The following ZNF638 variants were observed in gnomAD, a reference collection of about 807,000 sequenced individuals.
ZNF638 encodes the protein zinc finger protein 638, also known as CTCL tumor antigen se33-1.
ZNF638 carries 46 observed loss-of-function variants against 195.6 expected under a neutral mutation model. The observed-to-expected ratio is 0.24, with a 90% CI of 0.19 to 0.30. ZNF638 has a LOEUF of 0.30. Among genes scored for constraint, ZNF638 ranks in the 10% least tolerant of loss-of-function variants. ZNF638 has a pLI of 1.00. For missense variants in ZNF638, 2,440 were observed against 2,325.3 expected (o/e 1.05, Z -1.01); for synonymous variants, 845 against 772.0 (o/e 1.09, Z -1.57).
chr2:71,351,536 C>G (rs1237547663), intron 2 of ZNF638, among the ~76,000 whole-genome samples: 1 of 152,190 alleles, frequency 6.6e-6, no homozygotes, highest in Non-Finnish European at 1.5e-5. Flanking sequence ...ATTCTTGTGA[C>G]TGGGCATACC....
intron 10 of ZNF638, among the ~76,000 whole-genome samples, chr2:71,387,408 C>T (rs1250347517): frequency 6.6e-6 from 1 of 151,962 alleles, no homozygotes; most frequent in African/African-American, 2.4e-5. Flanking sequence ...CGGTGGCTGA[C>T]GCCTGTAATC....
chr2:71,349,971 G>A lies in ZNF638; in HGVS notation c.1017G>A (p.Ser339=), dbSNP rs749560871. Residue 339 remains serine, a synonymous_variant, in exon 2 of 28, where the codon TCG becomes TCA. Transcript: ENST00000264447. ...PPSMNQQPFS[S]ELISSVSQQE... is the part of the protein sequence containing the mutation. ...CTATGAACCAGCAACCTTTTTCGTC[G>A]GAATTAATTTCATCTGTAAGCCAGC... 1.1e-5 allele frequency: 17 copies of A among 1,614,062 alleles called. No individual in the cohort carries two copies. The highest frequency in any genetic ancestry group is 1.0e-5 in the Non-Finnish European group (12 of 1,180,006).
intron 10 of ZNF638, among the ~76,000 whole-genome samples, chr2:71,384,336 C>T (rs1237964413): frequency 2.0e-5 from 3 of 152,214 alleles, no homozygotes; most frequent in Non-Finnish European, 4.4e-5. Flanking sequence ...GATCATTCTA[C>T]TTCTAGCAAC....
intron 27 of ZNF638, 112 bp downstream of exon 27, chr2:71,433,395 G>C: frequency 2.7e-6 from 2 of 753,582 alleles, no homozygotes; most frequent in Non-Finnish European, 4.4e-6. Flanking sequence ...GTTTATGCCA[G>C]TTTATTCCTC....
chr2:71,374,536 T>C (rs759295311), intron 8 of ZNF638, among the ~76,000 whole-genome samples: 21 of 152,346 alleles, frequency 1.4e-4, no homozygotes, highest in Middle Eastern at 3.4e-3. Flanking sequence ...TAGAATCAGT[T>C]TAAGTTCTCT....
intron 2 of ZNF638, among the ~76,000 whole-genome samples, chr2:71,353,802 C>CT (rs1187796402): frequency 5.9e-5 from 9 of 152,208 alleles, no homozygotes; most frequent in Non-Finnish European, 1.2e-4. Context: ...AGATAAAACA[C>CT]TTTATGGTTC....
At position 71,418,601 on chromosome 2, in the gene ZNF638, G is replaced by T; in HGVS notation, c.3262-1G>T. 1 of 1,551,194 alleles carries T rather than the reference G, an allele frequency of 6.4e-7. No homozygotes were observed. The highest frequency in any genetic ancestry group is 8.7e-7 in the Non-Finnish European group (1 of 1,149,050). On this transcript the variant is annotated splice_acceptor_variant, in intron 20 of 27. Coordinates refer to ENST00000264447, the MANE Select transcript of ZNF638 (RefSeq NM_014497.5). LOFTEE classifies it high-confidence loss of function. ...CTAATAAAATGCTGATTATATTACAGGTGCAAATTGAGCATGACCCAGAAT... is the reference window on the plus strand; with the variant it reads ...CTAATAAAATGCTGATTATATTACATGTGCAAATTGAGCATGACCCAGAAT...
At chr2:71,427,793 C>A (rs956571168) in intron 24 of ZNF638, among the ~76,000 whole-genome samples, 1 of 152,154 alleles carries the variant, frequency 6.6e-6, no homozygotes, top group African/African-American at 2.4e-5. Flanking sequence ...GAATTAAGAA[C>A]TATTTATAAA....
At chr2:71,388,579 A>G (rs757661989) in intron 10 of ZNF638, 4 of 767,762 alleles carry the variant, frequency 5.2e-6, no homozygotes, top group Non-Finnish European at 9.7e-6. Flanking sequence ...CGCTCACGCA[A>G]AATACCTGTG....
At chr2:71,391,562 A>C (rs991718662) in intron 10 of ZNF638, among the ~76,000 whole-genome samples, 1 of 152,240 alleles carries the variant, frequency 6.6e-6, no homozygotes, top group Non-Finnish European at 1.5e-5. Context: ...TCTGTCGTTA[A>C]GATGTTAATC....
chr2:71,418,573 C>T, intron 20 of ZNF638, 29 bp from the exon 21 acceptor site: 6 of 1,472,666 alleles, frequency 4.1e-6, no homozygotes, highest in Non-Finnish European at 5.5e-6. Context: ...AGTGGAATAG[C>T]CTCTAATAAA....
intron 20 of ZNF638, among the ~76,000 whole-genome samples, chr2:71,417,142 A>G (rs537964853): frequency 1.3e-5 from 2 of 150,094 alleles, no homozygotes; most frequent in South Asian, 4.4e-4. Flanking sequence ...CCGTGGGCAT[A>G]GGACCCTCTG....
At chr2:71,389,568 A>C (rs2079726620) in intron 10 of ZNF638, among the ~76,000 whole-genome samples, 1 of 152,164 alleles carries the variant, frequency 6.6e-6, no homozygotes, top group South Asian at 2.1e-4. Context: ...AAAACATAAC[A>C]GCTGCTATGC....
chr2:71,342,118 G>A (rs2078771257), intron 1 of ZNF638, among the ~76,000 whole-genome samples: 1 of 150,536 alleles, frequency 6.6e-6, no homozygotes, highest in South Asian at 2.1e-4. Context: ...GGAAGGTTGA[G>A]GCTGAGGCAG....
At position 71,360,468 on chromosome 2, in the gene ZNF638, C is replaced by T. The variant is rs183875174; in HGVS notation, c.1380-2685C>T. Among the ~76,000 whole-genome samples, 331 of 152,216 alleles carry T rather than the reference C, an allele frequency of 2.2e-3. 3 individuals are homozygous for T. Among genetic ancestry groups the T allele is most frequent in the African/African-American group, 7.3e-3 (302 of 41,550 alleles). ...TTCCAGAATGCCTTTTATAATTCTTCTTGTTTGCCCCATCCATACCCTCAA... is the reference window on the plus strand; with the variant it reads ...TTCCAGAATGCCTTTTATAATTCTTTTTGTTTGCCCCATCCATACCCTCAA... On this transcript the variant is annotated intron_variant, in intron 3 of 27. Coordinates refer to ENST00000264447, the MANE Select transcript of ZNF638 (RefSeq NM_014497.5).
At position 71,431,328 on chromosome 2, in the gene ZNF638, T is replaced by G. The variant is rs1403240344; in HGVS notation, c.5652T>G (p.Val1884=). Residue 1884 remains valine, a splice_region_variant and synonymous_variant, in exon 26 of 28, where the codon GTT becomes GTG. Coordinates refer to ENST00000264447, the MANE Select transcript of ZNF638 (RefSeq NM_014497.5). ...CTTTTTTTCCTCGAAAAATTTTAGT[T>G]GATGAGGAATCTGGATTAAAGGATT... ...KGEEAFQMSE[V]DEESGLKDSE... 6.2e-7 allele frequency: 1 copy of G among 1,609,438 alleles called. No individual in the cohort carries two copies. Among genetic ancestry groups the G allele is most frequent in the East Asian group, 2.2e-5 (1 of 44,764 alleles).
Position 71,428,546 on chromosome 2 carries a change from G to A in ZNF638, c.5546-1G>A. 1 of 1,611,532 alleles carries A rather than the reference G, an allele frequency of 6.2e-7. No homozygotes were observed. Among genetic ancestry groups the A allele is most frequent in the Non-Finnish European group, 8.5e-7 (1 of 1,179,042 alleles). On this transcript the variant is annotated splice_acceptor_variant, in intron 24 of 27. Transcript: ENST00000264447. LOFTEE classifies it high-confidence loss of function. ...AATAAATTAGGACTTTCTTTTTAAA[G>A]CTAAAACTCCAACCAAGAGAGTTAG...
At chr2:71,408,020 C>G (rs535335337) in intron 19 of ZNF638, 102 bp from the exon 20 acceptor site, 2 of 1,064,386 alleles carry the variant, frequency 1.9e-6, no homozygotes, top group East Asian at 5.2e-5. Flanking sequence ...GGCTTTCATT[C>G]CTTTTAGGTG....
At chr2:71,373,677 GA>G (rs1404116839) in intron 8 of ZNF638, among the ~76,000 whole-genome samples, 2 of 151,876 alleles carry the variant, frequency 1.3e-5, no homozygotes, top group African/African-American at 4.8e-5. Context: ...CTCGGCCTCT[GA>G]AAGTGCTGGG....
Sources: allele counts gnomAD v4.1 joint callset (sites outside exome capture counted in the v4.1 genomes callset), GRCh38; gene constraint gnomAD v4.1.1; transcripts MANE v1.5; gene names NCBI Gene and HGNC (gene_info 2026-07-23, HGNC 2026-07-21).